DUOX1: variants seen among roughly 807,000 people sequenced by gnomAD.
The protein encoded by DUOX1 is dual oxidase 1, also known as NADPH thyroid oxidase 1.
In DUOX1, 134 loss-of-function variants were observed where a neutral mutation model predicts 181.8. The ratio of observed to expected loss-of-function variants is 0.74; its 90% CI spans 0.64 to 0.85. The LOEUF (loss-of-function observed/expected upper bound fraction) is 0.85. DUOX1 is among the 40% of genes least tolerant of loss of function. DUOX1 has a pLI of 0.00. For synonymous variants in DUOX1, 798 were observed against 832.5 expected, an observed-to-expected ratio of 0.96 and a Z score of 0.71; for missense variants, 1,814 against 2,064.4, an observed-to-expected ratio of 0.88 and a Z score of 2.35.
chr15:45,137,514 G>A (rs1447054546), intron 9 of DUOX1, among the ~76,000 whole-genome samples: 2 of 151,976 alleles, frequency 1.3e-5, no homozygotes, highest in African/African-American at 2.4e-5. Context: ...AATCTCTGGG[G>A]TATGCCTGAT....
intron 22 of DUOX1, among the ~76,000 whole-genome samples, 186 bp downstream of exon 22, chr15:45,150,887 G>A (rs1382941289): frequency 3.9e-5 from 6 of 152,186 alleles, no homozygotes; most frequent in South Asian, 2.1e-4. Context: ...CTGGATTTCC[G>A]CTCTCACTTA....
Position 45,155,851 on chromosome 15 carries a change from T to C in DUOX1, c.3624T>C (p.Phe1208=), listed in dbSNP as rs1160106263. The part of the protein sequence containing the change: ...LLLILAIMYV[F]ASHHFRRRSF... The stretch of plus-strand genomic sequence containing the variant: ...TGATCCTGGCCATCATGTATGTCTT[T>C]GCCTCCCACCACTTCCGCCGCCGCA... The change falls in exon 28 of 34, where the codon TTT becomes TTC. Residue 1208 remains phenylalanine (F), a synonymous_variant. Coordinates refer to ENST00000389037, the MANE Select transcript of DUOX1 (RefSeq NM_175940.3). 5 of 1,613,970 alleles carry C rather than the reference T, an allele frequency of 3.1e-6. No individual in the cohort carries two copies.
Position 45,147,516 on chromosome 15 carries a change from G to C in DUOX1, c.2406G>C (p.Leu802=). ...TGCGGGAGGCCCTGACCTGTGAGCT[G>C]AGCAGGGCCGAGTTTGCCGAGTCCC... The part of the protein sequence containing the change: ...QKVREALTCE[L]SRAEFAESLG... The change falls in exon 19 of 34, where the codon CTG becomes CTC. Residue 802 remains leucine (L), a synonymous_variant. Transcript: ENST00000389037. 1 of 1,614,136 alleles carries C rather than the reference G, an allele frequency of 6.2e-7. No individual in the cohort carries two copies. Among genetic ancestry groups the C allele is most frequent in the Non-Finnish European group, 8.5e-7 (1 of 1,179,994 alleles).
At chr15:45,132,733 T>A (rs1247065900) in intron 2 of DUOX1, among the ~76,000 whole-genome samples, 1 of 152,204 alleles carries the variant, frequency 6.6e-6, no homozygotes, top group Admixed American at 6.5e-5. Context: ...CACATCCACG[T>A]TCCTTCCAGC....
chr15:45,147,697 G>C, intron 19 of DUOX1, 39 bp downstream of exon 19: 1 of 1,611,648 alleles, frequency 6.2e-7, no homozygotes, highest in African/African-American at 1.3e-5. Flanking sequence ...CTGGACAGGG[G>C]CTGATCTGTT....
Position 45,140,936 on chromosome 15 carries a change from C to A in DUOX1, c.1431C>A (p.Ser477=). 1 of 1,614,172 alleles carries A rather than the reference C, an allele frequency of 6.2e-7. No individual in the cohort carries two copies. The highest frequency in any genetic ancestry group is 1.3e-5 in the African/African-American group (1 of 75,046). ...CTGCCCTGTACAACCAGGACTTATC[C>A]TGGCTAGAGCTGCTCCCTGGGGGAC... ...ATAALYNQDL[S]WLELLPGGLL... Residue 477 remains serine, a synonymous_variant, in exon 13 of 34, where the codon TCC becomes TCA. Coordinates refer to ENST00000389037, the MANE Select transcript of DUOX1 (RefSeq NM_175940.3).
chr15:45,139,878 T>C, intron 12 of DUOX1: 1 of 564,754 alleles, frequency 1.8e-6, no homozygotes, highest in South Asian at 2.0e-5. Flanking sequence ...TTTACTGTTC[T>C]CTCCACCCTC....
At position 45,161,922 on chromosome 15, in the gene DUOX1, G is replaced by A. The variant is rs578108955; in HGVS notation, c.4041G>A (p.Arg1347=). 10 of 1,612,760 alleles carry A rather than the reference G, an allele frequency of 6.2e-6. No homozygotes were observed. The South Asian group carries it at 1.1e-4, about 18-fold the overall frequency. ...RAAGPWTTRL[R]EIYSAPTGDR... Reference sequence around the variant, plus strand: ...CAGGGCCCTGGACCACTCGCCTCAGGGAGATCTACTCAGCCCCGACGGGTG... The same window carrying A: ...CAGGGCCCTGGACCACTCGCCTCAGAGAGATCTACTCAGCCCCGACGGGTG... The change falls in exon 30 of 34, where the codon AGG becomes AGA. Residue 1347 remains arginine (R), a synonymous_variant. Coordinates refer to ENST00000389037, the MANE Select transcript of DUOX1 (RefSeq NM_175940.3).
intron 27 of DUOX1, 102 bp downstream of exon 27, chr15:45,154,102 T>G: frequency 1.6e-5 from 18 of 1,097,274 alleles, no homozygotes; most frequent in Admixed American, 1.7e-5. Flanking sequence ...CACTCAGCTC[T>G]TCCGGTGACC....
intron 19 of DUOX1, 86 bp downstream of exon 19, chr15:45,147,744 T>TG (rs1463142821): frequency 6.3e-7 from 1 of 1,588,126 alleles, no homozygotes; most frequent in Non-Finnish European, 8.6e-7. Flanking sequence ...TCTCCAGCCA[T>TG]GGCAGATGCC....
At chr15:45,149,007 C>T (rs1376943173) in intron 21 of DUOX1, among the ~76,000 whole-genome samples, 1 of 152,058 alleles carries the variant, frequency 6.6e-6, no homozygotes, top group Non-Finnish European at 1.5e-5. Flanking sequence ...GTTGTCCTTC[C>T]CCCTACTTCC....
chr15:45,152,879 G>C, intron 25 of DUOX1: 1 of 393,468 alleles, frequency 2.5e-6, no homozygotes, highest in Non-Finnish European at 4.7e-6. Flanking sequence ...TTGCGCACAT[G>C]GATGGTGTGT....
At chr15:45,155,950 G>A in intron 28 of DUOX1, 21 bp downstream of exon 28, 4 of 1,614,128 alleles carry the variant, frequency 2.5e-6, no homozygotes, top group South Asian at 2.2e-5. Flanking sequence ...TTGGCTGTGA[G>A]CCAGGCCAGG....
At chr15:45,154,967 C>G (rs952596216) in intron 27 of DUOX1, among the ~76,000 whole-genome samples, 1 of 152,232 alleles carries the variant, frequency 6.6e-6, no homozygotes, top group Non-Finnish European at 1.5e-5. Context: ...GTGGTCCTGG[C>G]CAGTCACTAA....
In DUOX1 at chr15:45,161,754, G is replaced by A; in HGVS notation, c.3873G>A (p.Arg1291=). The A allele has an allele frequency of 6.2e-7, 1 of 1,613,710 alleles. No individual in the cohort carries two copies. The highest frequency in any genetic ancestry group is 8.5e-7 in the Non-Finnish European group (1 of 1,180,022). The change falls in exon 30 of 34, where the codon CGG becomes CGA. Residue 1291 remains arginine, a synonymous_variant. Transcript: ENST00000389037. ...ELLPSGVTHL[R]FQRPQGFEYK... is the part of the protein sequence containing the mutation. ...CCTCCCCAGGAGTGACCCACCTGCG[G>A]TTCCAGCGGCCCCAGGGCTTTGAGT...
At chr15:45,150,341 C>T in intron 21 of DUOX1, 1 of 431,894 alleles carries the variant, frequency 2.3e-6, no homozygotes, top group South Asian at 3.2e-5. Flanking sequence ...AGGTTATATA[C>T]AGTTCCCGAA....
chr15:45,144,903 G>T lies in DUOX1; in HGVS notation c.2145G>T (p.Leu715=). 6.2e-7 allele frequency: 1 copy of T among 1,610,704 alleles called. No individual in the cohort carries two copies. Among genetic ancestry groups the T allele is most frequent in the Non-Finnish European group, 8.5e-7 (1 of 1,178,696 alleles). Residue 715 remains leucine (L), a synonymous_variant, in exon 18 of 34, where the codon CTG becomes CTT. Coordinates refer to ENST00000389037, the MANE Select transcript of DUOX1 (RefSeq NM_175940.3). ...TCGGGCTGCCCCCTTAGGTGCTGCT[G>T]TTTAACTTGGAGGAAGAGCGGCAGG... ...KIPKEYDLVL[L]FNLEEERQAL... is the part of the protein sequence containing the mutation.
chr15:45,144,299 G>A (rs576348464), intron 17 of DUOX1, 64 bp downstream of exon 17: 3 of 1,562,088 alleles, frequency 1.9e-6, no homozygotes, highest in Admixed American at 3.4e-5. Context: ...GCCAGGTGGA[G>A]GGGAAGAAGC....
Position 45,163,874 on chromosome 15 carries a change from C to G in DUOX1, c.4489C>G (p.Pro1497Ala), listed in dbSNP as rs1199803584. 33 of 1,614,032 alleles carry G rather than the reference C, an allele frequency of 2.0e-5. No homozygotes were observed. The highest frequency in any genetic ancestry group is 2.5e-5 in the Non-Finnish European group (29 of 1,180,036). ...CTCCATCACCCACTTTGGCCGTCCC[C>G]CCTTTGAGCCCTTCTTCAACTCCCT... Reference protein sequence around the residue: ...LRSITHFGRPPFEPFFNSLQE... With the variant: ...LRSITHFGRPAFEPFFNSLQE... Residue 1497 changes from proline to alanine, a missense_variant, in exon 33 of 34, where the codon CCC becomes GCC. Transcript: ENST00000389037.
Sources: allele counts gnomAD v4.1 joint callset (sites outside exome capture counted in the v4.1 genomes callset), GRCh38; gene constraint gnomAD v4.1.1; transcripts MANE v1.5; gene names NCBI Gene and HGNC (gene_info 2026-07-23, HGNC 2026-07-21).